Variants in THSD7B observed in about 807,000 individuals in gnomAD.
The protein encoded by THSD7B is thrombospondin type-1 domain-containing protein 7B.
A neutral mutation model predicts 213.6 loss-of-function variants in THSD7B; 138 were observed. The ratio of observed to expected loss-of-function variants is 0.65; its 90% confidence interval spans 0.56 to 0.74. The LOEUF (loss-of-function observed/expected upper bound fraction) is 0.74. Among genes scored for constraint, THSD7B ranks in the 30% least tolerant of loss-of-function variants. THSD7B has a pLI of 0.00. For synonymous variants in THSD7B, 742 were observed against 687.0 expected, an observed-to-expected ratio of 1.08 and a Z score of -1.25; for missense variants, 1,931 against 1,991.5, an observed-to-expected ratio of 0.97 and a Z score of 0.58.
At chr2:137,549,125 C>T (rs991942226) in intron 15 of THSD7B, among the ~76,000 whole-genome samples, 3 of 151,904 alleles carry the variant, frequency 2.0e-5, no homozygotes, top group Non-Finnish European at 4.4e-5. Flanking sequence ...AACTCATTCT[C>T]CTCCTTTTCT....
At chr2:136,951,413 A>G (rs1018782316) in intron 2 of THSD7B, among the ~76,000 whole-genome samples, 6 of 152,210 alleles carry the variant, frequency 3.9e-5, no homozygotes, top group Non-Finnish European at 8.8e-5. Flanking sequence ...CTGTTGAATC[A>G]TCTAATTTTT....
intron 12 of THSD7B, among the ~76,000 whole-genome samples, chr2:137,402,187 G>A (rs1236237721): frequency 6.6e-6 from 1 of 152,158 alleles, no homozygotes; most frequent in Non-Finnish European, 1.5e-5. Flanking sequence ...TCATTTTAAA[G>A]ATGAAAATAC....
intron 4 of THSD7B, among the ~76,000 whole-genome samples, chr2:137,100,906 C>CT (rs11377727): frequency 0.33 from 49,463 of 151,972 alleles, 10,255 homozygotes; most frequent in African/African-American, 0.59. Flanking sequence ...AAAAATCTGT[C>CT]TGTCATTGGT....
intron 12 of THSD7B, among the ~76,000 whole-genome samples, chr2:137,399,020 G>T (rs576979645): frequency 1.3e-5 from 2 of 152,006 alleles, no homozygotes; most frequent in African/African-American, 4.8e-5. Context: ...GCCCTGCTTC[G>T]GCTCGCGCAC....
intron 3 of THSD7B, among the ~76,000 whole-genome samples, chr2:137,069,396 T>A (rs113689032): frequency 1.1e-4 from 17 of 152,184 alleles, no homozygotes; most frequent in African/African-American, 3.6e-4. Flanking sequence ...CTAGGAAGAC[T>A]GTTTATATAA....
At chr2:137,117,469 A>G (rs552392435) in intron 5 of THSD7B, among the ~76,000 whole-genome samples, 1 of 152,276 alleles carries the variant, frequency 6.6e-6, no homozygotes, top group South Asian at 2.1e-4. Flanking sequence ...TCAAATTATT[A>G]ATATTATTGT....
At chr2:137,238,122 T>C (rs1481288223) in intron 9 of THSD7B, among the ~76,000 whole-genome samples, 2 of 152,172 alleles carry the variant, frequency 1.3e-5, no homozygotes. Flanking sequence ...AAATTGACAA[T>C]ATCAGTTCCC....
chr2:136,997,163 T>G (rs1685907398), intron 2 of THSD7B, among the ~76,000 whole-genome samples: 2 of 152,318 alleles, frequency 1.3e-5, no homozygotes, highest in South Asian at 2.1e-4. Flanking sequence ...GACTCTGTAT[T>G]GAGCTGAAAA....
chr2:137,597,814 T>C (rs1473975879), intron 17 of THSD7B, among the ~76,000 whole-genome samples: 1 of 152,164 alleles, frequency 6.6e-6, no homozygotes, highest in Non-Finnish European at 1.5e-5. Context: ...ACCATTTAAT[T>C]ACTTTGAATT....
At chr2:137,663,921 G>C (rs993470668) in intron 26 of THSD7B, among the ~76,000 whole-genome samples, 1 of 151,698 alleles carries the variant, frequency 6.6e-6, no homozygotes, top group Non-Finnish European at 1.5e-5. Flanking sequence ...GTGTGATCTC[G>C]GCTTACTGCG....
At chr2:136,940,682 G>A (rs115507920) in intron 2 of THSD7B, among the ~76,000 whole-genome samples, 4,487 of 149,502 alleles carry the variant, frequency 0.03, 100 homozygotes, top group South Asian at 0.074. Flanking sequence ...GTGAGCCACC[G>A]TGTCTGGCTG....
chr2:136,783,988 G>A (rs1257111265), intron 1 of THSD7B, among the ~76,000 whole-genome samples: 1 of 152,180 alleles, frequency 6.6e-6, no homozygotes, highest in Non-Finnish European at 1.5e-5. Flanking sequence ...TATGTTAAAA[G>A]TGTGAAGCAT....
chr2:137,327,314 T>C (rs879366594), intron 12 of THSD7B, among the ~76,000 whole-genome samples: 1 of 152,212 alleles, frequency 6.6e-6, no homozygotes, highest in South Asian at 2.1e-4. Context: ...AGTTGAAGAT[T>C]TGATTGTTTA....
chr2:137,311,949 A>T (rs1683920930), intron 12 of THSD7B, among the ~76,000 whole-genome samples: 1 of 144,142 alleles, frequency 6.9e-6, no homozygotes, highest in Non-Finnish European at 1.5e-5. Context: ...TTCATCAAGG[A>T]TATTGGTCTA....
intron 14 of THSD7B, among the ~76,000 whole-genome samples, chr2:137,442,824 A>C (rs1427033919): frequency 6.6e-6 from 1 of 152,162 alleles, no homozygotes; most frequent in Non-Finnish European, 1.5e-5. Context: ...TGTAAAGTAC[A>C]TACAGTATGG....
At chr2:137,312,921 T>G (rs945682504) in intron 12 of THSD7B, among the ~76,000 whole-genome samples, 15 of 151,028 alleles carry the variant, frequency 9.9e-5, no homozygotes, top group African/African-American at 3.6e-4. Flanking sequence ...AGAGCTTTAC[T>G]TCCAAGTATG....
rs540277978 is a variant in THSD7B at position 137,388,602 on chromosome 2, T to C, written c.2501-17011T>C. Among the ~76,000 whole-genome samples, 334 of 152,160 alleles carry C rather than the reference T, an allele frequency of 2.2e-3. 2 individuals carry two copies. The highest frequency in any genetic ancestry group is 7.3e-3 in the African/African-American group (302 of 41,556). On this transcript the variant is annotated intron_variant, in intron 12 of 27. Transcript: ENST00000409968. The stretch of plus-strand genomic sequence containing the variant: ...AGTTGCCCTAGTCTCTTATCAAACA[T>C]TAGAACTCCCTCCTACCTAATTATA...
chr2:136,864,908 A>G (rs949882805), intron 1 of THSD7B, among the ~76,000 whole-genome samples: 2 of 152,236 alleles, frequency 1.3e-5, no homozygotes, highest in South Asian at 4.1e-4. Context: ...CATGGAGAAG[A>G]CATGACAAAA....
chr2:137,529,131 G>A (rs940704260), intron 15 of THSD7B, among the ~76,000 whole-genome samples: 9 of 151,948 alleles, frequency 5.9e-5, no homozygotes, highest in African/African-American at 2.2e-4. Context: ...CCCTTTCTAA[G>A]GCACATTTCA....
Sources: allele counts gnomAD v4.1 joint callset (sites outside exome capture counted in the v4.1 genomes callset), GRCh38; gene constraint gnomAD v4.1.1; transcripts MANE v1.5; gene names NCBI Gene and HGNC (gene_info 2026-07-23, HGNC 2026-07-21).